FAM184A: variants seen among roughly 807,000 people sequenced by gnomAD.
FAM184A encodes family with sequence similarity 184 member A.
A neutral mutation model predicts 143.8 loss-of-function variants in FAM184A; 99 were observed. The observed-to-expected ratio is 0.69, with a 90% CI of 0.58 to 0.81. FAM184A has a LOEUF of 0.81. Among genes scored for constraint, FAM184A ranks in the 40% least tolerant of loss-of-function variants. The pLI is 0.00. For missense variants in FAM184A, 1,217 were observed against 1,310.5 expected (o/e 0.93, Z 1.10); for synonymous variants, 427 against 446.4 (o/e 0.96, Z 0.55).
intron 1 of FAM184A, among the ~76,000 whole-genome samples, chr6:119,061,979 T>C (rs1787274125): frequency 6.6e-6 from 1 of 151,838 alleles, no homozygotes; most frequent in Non-Finnish European, 1.5e-5. Context: ...GGAGCCTGCA[T>C]TTGGACCTGG....
At chr6:119,146,890 G>T (rs969636710) in intron 1 of FAM184A, among the ~76,000 whole-genome samples, 7 of 139,150 alleles carry the variant, frequency 5.0e-5, no homozygotes, top group Non-Finnish European at 9.3e-5. Flanking sequence ...TGTACCCAGG[G>T]TTTCCTCCCA....
At chr6:119,148,363 C>T (rs1412445187) in intron 1 of FAM184A, among the ~76,000 whole-genome samples, 2 of 152,186 alleles carry the variant, frequency 1.3e-5, no homozygotes, top group Non-Finnish European at 2.9e-5. Context: ...CCACCTACCC[C>T]ACGAGAGTTG....
chr6:118,979,245 T>G, intron 11 of FAM184A, 120 bp downstream of exon 11: 1 of 912,946 alleles, frequency 1.1e-6, no homozygotes, highest in Non-Finnish European at 1.6e-6. Context: ...TGCAGTACAC[T>G]TAGATATTCA....
chr6:119,071,766 G>A (rs776556285), intron 1 of FAM184A, among the ~76,000 whole-genome samples: 8 of 148,936 alleles, frequency 5.4e-5, no homozygotes, highest in African/African-American at 9.9e-5. Flanking sequence ...AGTCCAGGTT[G>A]AGTAATCTTC....
At position 118,966,964 on chromosome 6, in the gene FAM184A, A is replaced by G. The variant is rs1412117999; in HGVS notation, c.2916-12T>C. On this transcript the variant is annotated splice_polypyrimidine_tract_variant and intron_variant, in intron 14 of 17. Coordinates refer to ENST00000338891, the MANE Select transcript of FAM184A (RefSeq NM_024581.6). The stretch of plus-strand genomic sequence containing the variant: ...CCATTTCTTCTAATCTGAAAACAAG[A>G]AAGACTTTAGCTCATTGATATCACT... 1 of 1,316,000 alleles carries G rather than the reference A, an allele frequency of 7.6e-7. No individual in the cohort carries two copies. Among genetic ancestry groups the G allele is most frequent in the Non-Finnish European group, 1.1e-6 (1 of 923,408 alleles). The allele number at this position is 1,316,000 out of a possible 1,614,324, so 81.5% of individuals were successfully genotyped here.
chr6:119,103,014 G>C (rs1788685707), intron 1 of FAM184A, among the ~76,000 whole-genome samples: 1 of 152,066 alleles, frequency 6.6e-6, no homozygotes, highest in Non-Finnish European at 1.5e-5. Flanking sequence ...CAATTCTGGA[G>C]TAACCTCCAG....
intron 14 of FAM184A, among the ~76,000 whole-genome samples, chr6:118,970,008 A>ATATATATATTTTTTTTT: frequency 5.2e-5 from 1 of 19,050 alleles, no homozygotes; most frequent in African/African-American, 1.5e-4. Flanking sequence ...ATATATATAT[A>ATATATATATTTTTTTTT]TTTTTTTTTT....
At chr6:119,137,975 GC>G (rs1386338172) in intron 1 of FAM184A, among the ~76,000 whole-genome samples, 1 of 152,252 alleles carries the variant, frequency 6.6e-6, no homozygotes, top group African/African-American at 2.4e-5. Context: ...AGTCAGAACA[GC>G]TGTGTTCTAT....
chr6:118,965,941 C>A (rs1188789750), intron 15 of FAM184A, among the ~76,000 whole-genome samples: 1 of 152,084 alleles, frequency 6.6e-6, no homozygotes, highest in Non-Finnish European at 1.5e-5. Flanking sequence ...ATCTATAAGG[C>A]CTGTGCTCAT....
intron 1 of FAM184A, among the ~76,000 whole-genome samples, chr6:119,105,812 G>A (rs1052323591): frequency 2.6e-5 from 4 of 152,028 alleles, no homozygotes; most frequent in African/African-American, 9.7e-5. Flanking sequence ...AAAACCATAC[G>A]CATTGCAGAA....
At chr6:118,968,355 T>TA (rs1426198164) in intron 14 of FAM184A, among the ~76,000 whole-genome samples, 1 of 152,278 alleles carries the variant, frequency 6.6e-6, no homozygotes, top group Non-Finnish European at 1.5e-5. Flanking sequence ...CTGGGCTGCA[T>TA]ATGGCCTGCA....
At position 118,959,835 on chromosome 6, in the gene FAM184A, T is replaced by G. The variant is rs1583751747; in HGVS notation, c.*268A>C. The G allele has an allele frequency of 8.1e-6, 2 of 246,704 alleles. No individual in the cohort carries two copies. Among genetic ancestry groups the G allele is most frequent in the African/African-American group, 4.5e-5 (2 of 44,852 alleles). 15.3% of individuals were successfully genotyped at this position (246,704 alleles called of 1,614,324 possible). On this transcript the variant is annotated 3_prime_UTR_variant, in exon 18 of 18. Coordinates refer to ENST00000338891, the MANE Select transcript of FAM184A (RefSeq NM_024581.6). ...GAAAAAAATAAAAAGCATTGTTTGA[T>G]TCTAACAAAATTTATTATGCAGTAA...
chr6:118,967,383 A>C (rs1783532586), intron 14 of FAM184A, among the ~76,000 whole-genome samples: 1 of 152,228 alleles, frequency 6.6e-6, no homozygotes, highest in Non-Finnish European at 1.5e-5. Flanking sequence ...GGTAACATAT[A>C]AAAAGGACAA....
At chr6:119,036,500 A>G (rs1786119228) in intron 1 of FAM184A, among the ~76,000 whole-genome samples, 1 of 152,090 alleles carries the variant, frequency 6.6e-6, no homozygotes, top group East Asian at 1.9e-4. Flanking sequence ...AAATATTGAT[A>G]AAGTCTAATA....
chr6:119,022,053 C>CTTTTTTTTTTTTTTTTTT (rs34128659), intron 3 of FAM184A, among the ~76,000 whole-genome samples: 7 of 84,392 alleles, frequency 8.3e-5, no homozygotes, highest in East Asian at 4.2e-4. Flanking sequence ...TTCGTTCTTT[C>CTTTTTTTTTTTTTTTTTT]TTTTTTTTTT....
chr6:118,964,892 T>C, intron 15 of FAM184A, 121 bp from the exon 16 acceptor site: 1 of 585,790 alleles, frequency 1.7e-6, no homozygotes, highest in East Asian at 2.9e-5. Flanking sequence ...ATTTAGATAC[T>C]TTGTTTAAAG....
At chr6:119,042,774 T>C (rs1266225718) in intron 1 of FAM184A, among the ~76,000 whole-genome samples, 1 of 152,202 alleles carries the variant, frequency 6.6e-6, no homozygotes, top group African/African-American at 2.4e-5. Flanking sequence ...GATGTGTCAA[T>C]GTAGGTCTAA....
In FAM184A at chr6:118,979,473, A is replaced by AT; in HGVS notation, c.2346dup (p.Ser783IlefsTer27). On this transcript the variant is annotated frameshift_variant, in exon 11 of 18. Coordinates refer to ENST00000338891, the MANE Select transcript of FAM184A (RefSeq NM_024581.6). LOFTEE classifies it high-confidence loss of function. Reference sequence around the variant, plus strand: ...GACTCTCTGTGTGCATCTTTTAGTGATTGAAGCTCTGCAGAATGCTTCTGT... The same window carrying AT: ...GACTCTCTGTGTGCATCTTTTAGTGATTTGAAGCTCTGCAGAATGCTTCTGT... The AT allele has an allele frequency of 6.2e-7, 1 of 1,613,670 alleles. No individual in the cohort carries two copies. Among genetic ancestry groups the AT allele is most frequent in the Non-Finnish European group, 8.5e-7 (1 of 1,179,846 alleles).
intron 6 of FAM184A, among the ~76,000 whole-genome samples, chr6:119,008,114 TTTG>T (rs1449788954): frequency 6.6e-6 from 1 of 152,190 alleles, no homozygotes; most frequent in Non-Finnish European, 1.5e-5. Flanking sequence ...AACTGATCAG[TTTG>T]TTTTCTTAAA....
Sources: allele counts gnomAD v4.1 joint callset (sites outside exome capture counted in the v4.1 genomes callset), GRCh38; gene constraint gnomAD v4.1.1; transcripts MANE v1.5; gene names NCBI Gene and HGNC (gene_info 2026-07-23, HGNC 2026-07-21).